The following ERC2 variants were observed in gnomAD, a reference collection of about 807,000 sequenced individuals.
ERC2 encodes the protein ELKS/RAB6-interacting/CAST family member 2.
A neutral mutation model predicts 114.8 loss-of-function variants in ERC2; 42 were observed. The observed-to-expected ratio is 0.37, with a 90% CI of 0.29 to 0.47. The LOEUF (loss-of-function observed/expected upper bound fraction) is 0.47. ERC2 is among the 20% of genes least tolerant of loss of function. The probability of loss-of-function intolerance (pLI) is 0.99; values close to 1 mark genes in which losing one functional copy is unlikely to be tolerated. For missense variants in ERC2, 939 were observed against 1,150.7 expected (o/e 0.82, Z 2.66); for synonymous variants, 454 against 425.5 (o/e 1.07, Z -0.82).
chr3:55,980,134 A>G (rs1251029547), intron 12 of ERC2, among the ~76,000 whole-genome samples: 1 of 149,410 alleles, frequency 6.7e-6, no homozygotes. Context: ...CTTTTTGTCT[A>G]TCCCCAATAA....
chr3:55,893,764 T>C (rs2063719401), intron 13 of ERC2, among the ~76,000 whole-genome samples: 1 of 152,198 alleles, frequency 6.6e-6, no homozygotes, highest in African/African-American at 2.4e-5. Flanking sequence ...TTCCCTTCTA[T>C]CATTACTTTT....
intron 12 of ERC2, among the ~76,000 whole-genome samples, chr3:55,971,761 C>T (rs1052477461): frequency 6.6e-6 from 1 of 152,114 alleles, no homozygotes; most frequent in Non-Finnish European, 1.5e-5. Context: ...CTACATACAT[C>T]TTAATATATT....
chr3:55,645,650 G>A (rs1360353804), intron 17 of ERC2, among the ~76,000 whole-genome samples: 1 of 152,184 alleles, frequency 6.6e-6, no homozygotes, highest in East Asian at 1.9e-4. Flanking sequence ...GATGATCCAG[G>A]AAAGACAGAT....
At chr3:56,230,147 T>C (rs1246481743) in intron 3 of ERC2, among the ~76,000 whole-genome samples, 3 of 152,116 alleles carry the variant, frequency 2.0e-5, no homozygotes, top group African/African-American at 2.4e-5. Context: ...ATTACAGGCA[T>C]GAGCAACCAT....
chr3:56,193,489 C>T (rs1825562), intron 3 of ERC2, among the ~76,000 whole-genome samples: 1 of 151,444 alleles, frequency 6.6e-6, no homozygotes, highest in Non-Finnish European at 1.5e-5. Flanking sequence ...CCTGGGTGAC[C>T]GAGCGAGACT....
intron 15 of ERC2, among the ~76,000 whole-genome samples, chr3:55,707,070 T>A (rs1233541432): frequency 6.6e-6 from 1 of 152,222 alleles, no homozygotes; most frequent in African/African-American, 2.4e-5. Context: ...ACTGCTCCTA[T>A]TGCATATTTT....
At chr3:55,550,865 A>AT (rs1167325768) in intron 17 of ERC2, among the ~76,000 whole-genome samples, 1 of 151,884 alleles carries the variant, frequency 6.6e-6, no homozygotes, top group Non-Finnish European at 1.5e-5. Context: ...AAATACAAAA[A>AT]ATTAGCCGGG....
chr3:55,727,844 C>G (rs2065016227), intron 15 of ERC2, among the ~76,000 whole-genome samples: 2 of 152,072 alleles, frequency 1.3e-5, no homozygotes, highest in African/African-American at 2.4e-5. Context: ...GAATAAAAGT[C>G]CAAAATTGCC....
intron 17 of ERC2, among the ~76,000 whole-genome samples, chr3:55,567,369 A>G (rs1381501780): frequency 1.3e-5 from 2 of 152,184 alleles, no homozygotes; most frequent in African/African-American, 4.8e-5. Context: ...CAAAGGGAAG[A>G]GTGAAATAAG....
chr3:55,591,173 G>C (rs1227983348), intron 17 of ERC2, among the ~76,000 whole-genome samples: 2 of 143,250 alleles, frequency 1.4e-5, no homozygotes, highest in African/African-American at 5.1e-5. Flanking sequence ...ATTTTCACTT[G>C]TGTCTTTTAG....
At chr3:56,090,080 A>G (rs148610821) in intron 6 of ERC2, among the ~76,000 whole-genome samples, 1 of 152,364 alleles carries the variant, frequency 6.6e-6, no homozygotes, top group African/African-American at 2.4e-5. Flanking sequence ...TTCAGCTAGC[A>G]TGAATCTTTC....
intron 14 of ERC2, among the ~76,000 whole-genome samples, chr3:55,866,505 G>A (rs931063101): frequency 3.9e-5 from 6 of 151,908 alleles, no homozygotes; most frequent in African/African-American, 1.5e-4. Flanking sequence ...TTAGTTATTT[G>A]TGCTTTTGGT....
intron 6 of ERC2, among the ~76,000 whole-genome samples, chr3:56,110,408 T>C (rs534644982): frequency 6.6e-6 from 1 of 152,242 alleles, no homozygotes; most frequent in East Asian, 1.9e-4. Context: ...AGTAGAAGTG[T>C]GGCAAGGGAA....
intron 3 of ERC2, among the ~76,000 whole-genome samples, chr3:56,216,050 T>C (rs1015029587): frequency 2.6e-5 from 4 of 152,070 alleles, no homozygotes; most frequent in South Asian, 2.1e-4. Context: ...AGGAAAGATC[T>C]AAAATTGACA....
chr3:55,706,986 A>T (rs815426), intron 15 of ERC2, among the ~76,000 whole-genome samples: 88,679 of 152,052 alleles, frequency 0.58, 26,585 homozygotes, highest in South Asian at 0.76. Context: ...CCTATATCTA[A>T]AAAATGGGCA....
At chr3:56,290,134 AAAG>A (rs1456992648) in intron 3 of ERC2, among the ~76,000 whole-genome samples, 2 of 152,238 alleles carry the variant, frequency 1.3e-5, no homozygotes, top group Non-Finnish European at 1.5e-5. Flanking sequence ...GAAAAAAATG[AAAG>A]AAGACTGCCA....
chr3:55,763,811 A>T (rs902080975), intron 14 of ERC2, among the ~76,000 whole-genome samples: 1 of 152,184 alleles, frequency 6.6e-6, no homozygotes, highest in African/African-American at 2.4e-5. Flanking sequence ...GGACATCAAG[A>T]CATTCCACCC....
At chr3:55,817,906 A>C (rs931668915) in intron 14 of ERC2, among the ~76,000 whole-genome samples, 3 of 152,236 alleles carry the variant, frequency 2.0e-5, no homozygotes, top group Admixed American at 6.5e-5. Context: ...TGATGAGGAC[A>C]GAGCAGCTCC....
In ERC2 at chr3:56,268,121, C is replaced by T. The variant is rs114702741; in HGVS notation, c.1074+27898G>A. ...TAAATGACGGACCACATATATGACA[C>T]TAGTACCATATGATTATAATACTGT... On this transcript the variant is annotated intron_variant, in intron 3 of 17. Transcript: ENST00000288221. Among the ~76,000 whole-genome samples, 221 of 152,282 alleles carry T rather than the reference C, an allele frequency of 1.5e-3. 1 individual carries two copies. Among genetic ancestry groups the T allele is most frequent in the African/African-American group, 5.0e-3 (207 of 41,568 alleles).
Sources: gnomAD v4.1 joint callset for allele counts (sites outside exome capture counted in the v4.1 genomes callset) on GRCh38, gnomAD v4.1.1 for gene constraint, MANE v1.5 for transcripts, NCBI Gene and HGNC (gene_info 2026-07-23, HGNC 2026-07-21) for gene names.